GRM5: variants seen among roughly 807,000 people sequenced by gnomAD.
The protein encoded by GRM5 is glutamate metabotropic receptor 5.
A neutral mutation model predicts 83.1 loss-of-function variants in GRM5; 19 were observed. That is an observed-to-expected ratio of 0.23 (90% confidence interval 0.16 to 0.34). The LOEUF (loss-of-function observed/expected upper bound fraction) is 0.34, where lower values mean the gene tolerates loss of function less well. Among genes scored for constraint, GRM5 ranks in the 10% least tolerant of loss-of-function variants. The pLI is 1.00. For missense variants in GRM5, 1,160 were observed against 1,588.3 expected (o/e 0.73, Z 4.58); for synonymous variants, 675 against 633.6 (o/e 1.07, Z -0.98).
At chr11:88,583,343 C>CA (rs1443423166) in intron 7 of GRM5, among the ~76,000 whole-genome samples, 2 of 152,182 alleles carry the variant, frequency 1.3e-5, no homozygotes, top group Non-Finnish European at 2.9e-5. Flanking sequence ...ACCTCCAAAG[C>CA]AATTAGGTAA....
chr11:88,855,005 GT>G (rs1944449310), intron 2 of GRM5, among the ~76,000 whole-genome samples: 1 of 151,482 alleles, frequency 6.6e-6, no homozygotes, highest in African/African-American at 2.4e-5. Flanking sequence ...CATAGACAAG[GT>G]GTACCTAGTG....
At chr11:88,779,785 A>G (rs543422287) in intron 3 of GRM5, among the ~76,000 whole-genome samples, 1 of 152,190 alleles carries the variant, frequency 6.6e-6, no homozygotes, top group Non-Finnish European at 1.5e-5. Context: ...CAAATGATCC[A>G]TTTTCACCTC....
chr11:89,059,428 A>G (rs1591085844), intron 1 of GRM5, among the ~76,000 whole-genome samples: 1 of 152,250 alleles, frequency 6.6e-6, no homozygotes, highest in African/African-American at 2.4e-5. Context: ...TTTGCAGAGG[A>G]AGGGATGCTG....
intron 2 of GRM5, among the ~76,000 whole-genome samples, chr11:88,987,548 C>T (rs1939770764): frequency 6.6e-6 from 1 of 152,062 alleles, no homozygotes; most frequent in African/African-American, 2.4e-5. Context: ...GGCTCCACCT[C>T]TGGGGGCAGG....
chr11:88,946,957 G>T (rs1301143953), intron 2 of GRM5, among the ~76,000 whole-genome samples: 1 of 152,026 alleles, frequency 6.6e-6, no homozygotes, highest in Admixed American at 6.6e-5. Context: ...TAATCAATGA[G>T]AATGTTTACC....
rs184514587 is a variant in GRM5, at chr11:88,743,509, T to A, written c.912-90106A>T. Among the ~76,000 whole-genome samples, 1,176 of 152,220 alleles carry A rather than the reference T, an allele frequency of 7.7e-3. 25 individuals carry two copies. The highest frequency in any genetic ancestry group is 0.012 in the South Asian group (60 of 4,824). ...GGATTAAGTTCAGGGTGACTGGAAATGACAGAGCCAGGCCTTTCTCATAAC... is the reference window on the plus strand; with the variant it reads ...GGATTAAGTTCAGGGTGACTGGAAAAGACAGAGCCAGGCCTTTCTCATAAC... On this transcript the variant is annotated intron_variant, in intron 3 of 9. Coordinates refer to ENST00000305447, the MANE Select transcript of GRM5 (RefSeq NM_001143831.3).
chr11:88,928,507 T>C (rs1945831756), intron 2 of GRM5, among the ~76,000 whole-genome samples: 1 of 150,574 alleles, frequency 6.6e-6, no homozygotes, highest in South Asian at 2.1e-4. Flanking sequence ...TATATATATG[T>C]ACTATTAATT....
intron 2 of GRM5, among the ~76,000 whole-genome samples, chr11:89,040,761 A>C (rs1369979463): frequency 6.6e-6 from 1 of 152,038 alleles, no homozygotes; most frequent in Admixed American, 6.6e-5. Context: ...GAGGATAGGA[A>C]GGTAAGAAGT....
chr11:88,539,080 A>ATAC (rs1362007085), intron 8 of GRM5, among the ~76,000 whole-genome samples: 2 of 152,210 alleles, frequency 1.3e-5, no homozygotes, highest in East Asian at 3.9e-4. Flanking sequence ...TTCCTCTGTG[A>ATAC]TACTAACTTT....
At chr11:88,746,307 C>CCTGTAAAGTAGTTT (rs1299474658) in intron 3 of GRM5, among the ~76,000 whole-genome samples, 1 of 152,130 alleles carries the variant, frequency 6.6e-6, no homozygotes, top group Non-Finnish European at 1.5e-5. Context: ...TCCACAATAA[C>CCTGTAAAGTAGTTT]TTCTACAACA....
chr11:89,020,952 G>A (rs1436144717), intron 2 of GRM5, among the ~76,000 whole-genome samples: 2 of 152,132 alleles, frequency 1.3e-5, no homozygotes, highest in Non-Finnish European at 2.9e-5. Flanking sequence ...AGGATATTCT[G>A]TTTACCAAGG....
At chr11:88,913,614 T>A (rs1213731116) in intron 2 of GRM5, among the ~76,000 whole-genome samples, 2 of 137,638 alleles carry the variant, frequency 1.5e-5, no homozygotes, top group Non-Finnish European at 3.1e-5. Flanking sequence ...TTAGGTGGAG[T>A]CGTGCTTTGT....
intron 3 of GRM5, among the ~76,000 whole-genome samples, chr11:88,798,640 ATATG>A (rs1241222583): frequency 6.6e-6 from 1 of 151,960 alleles, no homozygotes; most frequent in Non-Finnish European, 1.5e-5. Flanking sequence ...GAGAAAATAA[ATATG>A]TATGTTTTTG....
chr11:89,039,967 T>G lies in GRM5; in HGVS notation c.661+7245A>C, dbSNP rs533075396. 3.9e-5 allele frequency among the ~76,000 whole-genome samples: 6 copies of G among 152,336 alleles called. No individual in the cohort carries two copies. In the South Asian group the frequency reaches 1.2e-3, roughly 32 times the overall value. Reference sequence around the variant, plus strand: ...CCACCATGTCTAGCTAATTTTTCTTTTTCTTTCTTTTTTTTTACTTTTTGT... The same window carrying G: ...CCACCATGTCTAGCTAATTTTTCTTGTTCTTTCTTTTTTTTTACTTTTTGT... On this transcript the variant is annotated intron_variant, in intron 2 of 9. Coordinates refer to ENST00000305447, the MANE Select transcript of GRM5 (RefSeq NM_001143831.3).
intron 2 of GRM5, among the ~76,000 whole-genome samples, chr11:89,037,718 C>T (rs114416785): frequency 0.046 from 6,920 of 151,932 alleles, 501 homozygotes; most frequent in African/African-American, 0.15. Flanking sequence ...AATTTTTGCT[C>T]GTTTTAAATG....
At chr11:88,532,171 G>A (rs1358005598) in intron 8 of GRM5, among the ~76,000 whole-genome samples, 1 of 152,162 alleles carries the variant, frequency 6.6e-6, no homozygotes, top group African/African-American at 2.4e-5. Flanking sequence ...AATGAGGCAG[G>A]AGGGTAAGTC....
At chr11:88,593,672 G>A (rs866739863) in intron 6 of GRM5, among the ~76,000 whole-genome samples, 29 of 132,124 alleles carry the variant, frequency 2.2e-4, no homozygotes, top group African/African-American at 9.0e-4. Context: ...GCAAGACTCC[G>A]TCTCAAAAAA....
chr11:88,622,014 C>T (rs985091270), intron 4 of GRM5, among the ~76,000 whole-genome samples: 1 of 152,036 alleles, frequency 6.6e-6, no homozygotes, highest in African/African-American at 2.4e-5. Flanking sequence ...TATGAAGCTC[C>T]CTCTTCTGAG....
intron 2 of GRM5, among the ~76,000 whole-genome samples, chr11:88,949,285 G>A (rs1938378984): frequency 6.6e-6 from 1 of 152,088 alleles, no homozygotes; most frequent in South Asian, 2.1e-4. Flanking sequence ...TTCTACTTTT[G>A]TGCTCCCACA....
Sources: gnomAD v4.1 joint callset for allele counts (sites outside exome capture counted in the v4.1 genomes callset) on GRCh38, gnomAD v4.1.1 for gene constraint, MANE v1.5 for transcripts, NCBI Gene and HGNC (gene_info 2026-07-23, HGNC 2026-07-21) for gene names.